The following STXBP4 variants were observed in gnomAD, a reference collection of about 807,000 sequenced individuals.
The protein encoded by STXBP4 is syntaxin-binding protein 4.
A neutral mutation model predicts 76.1 loss-of-function variants in STXBP4; 55 were observed. The observed-to-expected ratio is 0.72, with a 90% CI of 0.58 to 0.91. STXBP4 has a LOEUF of 0.91. STXBP4 is among the 40% of genes least tolerant of loss of function. The pLI, the probability that STXBP4 is intolerant of heterozygous loss-of-function variation, is 0.00. For synonymous variants in STXBP4, 201 were observed against 220.2 expected, an observed-to-expected ratio of 0.91 and a Z score of 0.77; for missense variants, 618 against 636.9, an observed-to-expected ratio of 0.97 and a Z score of 0.32.
chr17:55,053,193 T>C (rs1321602094), intron 12 of STXBP4, among the ~76,000 whole-genome samples: 1 of 152,038 alleles, frequency 6.6e-6, no homozygotes, highest in Non-Finnish European at 1.5e-5. Context: ...ATTTGTTAAC[T>C]GTACTGTGGT....
At chr17:55,113,082 C>G (rs916598722) in intron 16 of STXBP4, among the ~76,000 whole-genome samples, 10 of 152,062 alleles carry the variant, frequency 6.6e-5, no homozygotes, top group South Asian at 6.2e-4. Context: ...ATTTCAGTAC[C>G]TCTTAGGACC....
At chr17:54,986,514 G>A (rs1340710188) in intron 3 of STXBP4, among the ~76,000 whole-genome samples, 2 of 152,130 alleles carry the variant, frequency 1.3e-5, no homozygotes, top group Non-Finnish European at 2.9e-5. Context: ...AGCTGCTCGG[G>A]AGACTAGGAC....
rs190264232 is a variant in STXBP4 at position 55,032,255 on chromosome 17, T to A, written c.763+991T>A. ...AAGCATCTGTATTGCTGAAAAAAAA[T>A]TGACCTTTTGGTTTTTAAGTGATGA... On this transcript the variant is annotated intron_variant, in intron 9 of 17. Coordinates refer to ENST00000376352, the MANE Select transcript of STXBP4 (RefSeq NM_178509.6). Among the ~76,000 whole-genome samples the A allele has an allele frequency of 3.1e-4, 47 of 152,222 alleles. No individual in the cohort carries two copies. In the East Asian group the frequency reaches 7.1e-3, roughly 23 times the overall value.
intron 10 of STXBP4, among the ~76,000 whole-genome samples, chr17:55,036,457 C>G (rs2078604556): frequency 6.6e-6 from 1 of 151,266 alleles, no homozygotes; most frequent in East Asian, 1.9e-4. Context: ...AAATTTGTTT[C>G]ATTTTAAATT....
At chr17:55,046,597 T>C (rs1005453822) in intron 11 of STXBP4, among the ~76,000 whole-genome samples, 3 of 151,978 alleles carry the variant, frequency 2.0e-5, no homozygotes, top group African/African-American at 4.8e-5. Flanking sequence ...TCTTAATAAC[T>C]ATTATTTTAT....
intron 1 of STXBP4, among the ~76,000 whole-genome samples, chr17:54,969,070 A>G (rs1310658868): frequency 2.0e-5 from 3 of 152,148 alleles, no homozygotes; most frequent in Non-Finnish European, 4.4e-5. Flanking sequence ...ACTTAGTTCA[A>G]GTATCACCTC....
At position 55,035,875 on chromosome 17, in the gene STXBP4, A is replaced by G. The variant is rs115916807; in HGVS notation, c.855+1616A>G. Among the ~76,000 whole-genome samples, 641 of 151,840 alleles carry G rather than the reference A, an allele frequency of 4.2e-3. 2 individuals carry two copies. The highest frequency in any genetic ancestry group is 0.014 in the African/African-American group (594 of 41,478). On this transcript the variant is annotated intron_variant, in intron 10 of 17. Transcript: ENST00000376352. Reference sequence around the variant, plus strand: ...CTCGTATCTTATTTGTGTTTATCTTATTTACTTTTAATTGACAAATAATAA... The same window carrying G: ...CTCGTATCTTATTTGTGTTTATCTTGTTTACTTTTAATTGACAAATAATAA...
At position 55,173,416 on chromosome 17, in the gene STXBP4, A is replaced by G. The variant is rs897900667; in HGVS notation, c.*13505A>G. ...TTTCGAGAATATCATATAAATAATC[A>G]TGTATTATGTAACATTCTGAGACAG... On this transcript the variant is annotated 3_prime_UTR_variant, in exon 18 of 18. Coordinates refer to ENST00000376352, the MANE Select transcript of STXBP4 (RefSeq NM_178509.6). 11 of 152,210 alleles carry G rather than the reference A, an allele frequency of 7.2e-5. No individual in the cohort carries two copies. The highest frequency in any genetic ancestry group is 1.0e-4 in the Non-Finnish European group (7 of 68,042). 9.4% of individuals were successfully genotyped at this position (152,210 alleles called of 1,614,324 possible).
chr17:55,082,853 A>T (rs911270852), intron 16 of STXBP4, among the ~76,000 whole-genome samples: 3 of 152,168 alleles, frequency 2.0e-5, no homozygotes, highest in Non-Finnish European at 4.4e-5. Context: ...AAGATAATGT[A>T]ATATTCTGAA....
At chr17:55,111,348 A>G (rs888331042) in intron 16 of STXBP4, among the ~76,000 whole-genome samples, 2 of 152,124 alleles carry the variant, frequency 1.3e-5, no homozygotes, top group African/African-American at 4.8e-5. Context: ...TACCAGTCAT[A>G]TTAGTGTTTT....
At chr17:55,106,393 A>G (rs244374) in intron 16 of STXBP4, among the ~76,000 whole-genome samples, 56,680 of 151,796 alleles carry the variant, frequency 0.37, 11,246 homozygotes, top group East Asian at 0.54. Flanking sequence ...GCAGCACACT[A>G]ATGGATCTTG....
intron 12 of STXBP4, among the ~76,000 whole-genome samples, chr17:55,071,568 T>C (rs2144867078): frequency 1.3e-5 from 2 of 152,290 alleles, no homozygotes; most frequent in East Asian, 3.9e-4. Context: ...CATCCCTGAT[T>C]TACTGTCTAT....
rs771149774 is a variant in STXBP4, at chr17:55,166,189, G to C, written c.*6278G>C. 1 of 152,100 alleles carries C rather than the reference G, an allele frequency of 6.6e-6. No individual in the cohort carries two copies. The highest frequency in any genetic ancestry group is 1.5e-5 in the Non-Finnish European group (1 of 68,020). 9.4% of individuals were successfully genotyped at this position (152,100 alleles called of 1,614,324 possible). A position where few individuals can be genotyped will look rare whatever the true frequency, so the allele number is the denominator to read the frequency against. On this transcript the variant is annotated 3_prime_UTR_variant, in exon 18 of 18. Transcript: ENST00000376352. ...CCTTAGGCAGCGATTTACCTAATTG[G>C]TGAGTTTAGGATTAAAAAAAGGAAT...
At chr17:55,189,310 C>A in the STXBP4 span, among the ~76,000 whole-genome samples, 1 of 152,318 alleles carries the variant, frequency 6.6e-6, no homozygotes, top group Middle Eastern at 3.4e-3. Context: ...CTGATGACCA[C>A]TTTTCCTCTT....
intron 17 of STXBP4, among the ~76,000 whole-genome samples, chr17:55,155,042 G>A (rs2080261437): frequency 6.6e-6 from 1 of 152,000 alleles, no homozygotes; most frequent in South Asian, 2.1e-4. Context: ...TGCTCAAAGT[G>A]TTCTGTGATA....
intron 12 of STXBP4, among the ~76,000 whole-genome samples, chr17:55,055,933 T>C (rs931918977): frequency 4.6e-5 from 7 of 152,198 alleles, no homozygotes; most frequent in Non-Finnish European, 7.3e-5. Context: ...CTTGGATTTG[T>C]TCTCTGATTT....
chr17:54,971,655 T>C (rs192754583), intron 1 of STXBP4, among the ~76,000 whole-genome samples: 1 of 152,354 alleles, frequency 6.6e-6, no homozygotes, highest in Admixed American at 6.5e-5. Context: ...ATTACCCCAT[T>C]TGTCCCAATC....
Position 55,012,902 on chromosome 17 carries a change from A to G in STXBP4, c.666+5305A>G, listed in dbSNP as rs534554332. On this transcript the variant is annotated intron_variant, in intron 8 of 17. Transcript: ENST00000376352. ...AATTATTTGTTGACAGTTATATTCT[A>G]TCTTCATTGTCTGGAAGAAATGTGA... 2.6e-5 allele frequency among the ~76,000 whole-genome samples: 4 copies of G among 152,288 alleles called. No individual in the cohort carries two copies. The South Asian group carries it at 8.3e-4, about 32-fold the overall frequency.
intron 8 of STXBP4, among the ~76,000 whole-genome samples, chr17:55,018,668 C>G (rs1219328261): frequency 6.6e-6 from 1 of 152,060 alleles, no homozygotes; most frequent in Non-Finnish European, 1.5e-5. Context: ...TTGGTTCTTA[C>G]AGGTTTTGGG....
Sources: allele counts gnomAD v4.1 joint callset (sites outside exome capture counted in the v4.1 genomes callset), GRCh38; gene constraint gnomAD v4.1.1; transcripts MANE v1.5; gene names NCBI Gene and HGNC (gene_info 2026-07-23, HGNC 2026-07-21).